ATP8B2: variants seen among roughly 807,000 people sequenced by gnomAD.
The protein encoded by ATP8B2 is phospholipid-transporting ATPase ID.
In ATP8B2, 70 loss-of-function variants were observed where a neutral mutation model predicts 133.4. The observed-to-expected ratio is 0.52, with a 90% CI of 0.43 to 0.64. The LOEUF (loss-of-function observed/expected upper bound fraction) is 0.64. Ranked by LOEUF, ATP8B2 falls within the 30% of genes least tolerant of loss-of-function variation. The pLI is 0.00. For missense variants in ATP8B2, 1,101 were observed against 1,535.7 expected (o/e 0.72, Z 4.73); for synonymous variants, 517 against 589.5 (o/e 0.88, Z 1.78).
In ATP8B2 at chr1:154,328,221, T is replaced by G; in HGVS notation, c.31+49T>G. ...TCCCGGGAACCATCAAGAGTGGGTG[T>G]TGTTATGGCTCAGGGAGCAAAAGGA... On this transcript the variant is annotated intron_variant, in intron 2 of 27. Transcript: ENST00000368489. The surrounding 1 kb of genome is among the most constrained non-coding windows in gnomAD (Gnocchi z 4.6). 1 of 1,563,848 alleles carries G rather than the reference T, an allele frequency of 6.4e-7. No individual in the cohort carries two copies. The highest frequency in any genetic ancestry group is 1.4e-5 in the African/African-American group (1 of 73,828).
At position 154,340,271 on chromosome 1, in the gene ATP8B2, T is replaced by C. The variant is rs1475463319; in HGVS notation, c.1035-583T>C. On this transcript the variant is annotated intron_variant, in intron 12 of 27. Transcript: ENST00000368489. This position sits in a 1 kb window ranked among gnomAD's most constrained non-coding sequence, Gnocchi z 4.0. ...TGCCCAGGGCCCTCTCCCTCTGGAG[T>C]CAGCACCTCAGCCCTGCCCGGTGTT... Among the ~76,000 whole-genome samples the C allele has an allele frequency of 6.6e-6, 1 of 151,904 alleles. No individual in the cohort carries two copies. The highest frequency in any genetic ancestry group is 1.5e-5 in the Non-Finnish European group (1 of 67,932).
intron 2 of ATP8B2, among the ~76,000 whole-genome samples, chr1:154,330,134 A>G (rs1390826158): frequency 6.6e-6 from 1 of 152,108 alleles, no homozygotes; most frequent in Non-Finnish European, 1.5e-5. Context: ...GGGGGAGACA[A>G]ACTGGGTGCT....
At position 154,345,315 on chromosome 1, in the gene ATP8B2, T is replaced by G; in HGVS notation, c.2471-7T>G. ...CTTCACCCTCTTGTCATCTCTTGTC[T>G]CTGCAGCGGCTCACATTGGTGTGGG... On this transcript the variant is annotated splice_polypyrimidine_tract_variant and splice_region_variant and intron_variant, in intron 22 of 27. Coordinates refer to ENST00000368489, the MANE Select transcript of ATP8B2 (RefSeq NM_001370597.1). This position sits in a 1 kb window ranked among gnomAD's most constrained non-coding sequence, Gnocchi z 5.6. The G allele has an allele frequency of 6.2e-7, 1 of 1,613,844 alleles. No individual in the cohort carries two copies. Among genetic ancestry groups the G allele is most frequent in the East Asian group, 2.2e-5 (1 of 44,884 alleles).
At position 154,344,741 on chromosome 1, in the gene ATP8B2, G is replaced by A; in HGVS notation, c.2242G>A (p.Ala748Thr). The A allele has an allele frequency of 6.2e-7, 1 of 1,609,906 alleles. No homozygotes were observed. Among genetic ancestry groups the A allele is most frequent in the Non-Finnish European group, 8.5e-7 (1 of 1,176,484 alleles). ...SSSKLTSVLE[A>T]VAGEYALVIN... The stretch of plus-strand genomic sequence containing the variant: ...TTCCAAGCTAACTTCTGTCCTGGAG[G>A]CCGTTGCTGGGGAGTACGCCCTGGT... The change falls in exon 21 of 28, where the codon GCC becomes ACC. Residue 748 changes from alanine to threonine, a missense_variant. Ala to Thr is a moderately conservative substitution (Grantham distance 58, BLOSUM62 0). Transcript: ENST00000368489. The surrounding 1 kb of genome is among the most constrained non-coding windows in gnomAD (Gnocchi z 4.1).
rs190065280 is a variant in ATP8B2, at chr1:154,349,082, C to T, written c.3537C>T (p.Ser1179=). The T allele has an allele frequency of 5.6e-6, 9 of 1,614,202 alleles. No individual in the cohort carries two copies. Among genetic ancestry groups the T allele is most frequent in the Middle Eastern group, 1.7e-4 (1 of 6,050 alleles). Residue 1179 remains serine, a synonymous_variant, in exon 28 of 28, where the codon AGC becomes AGT. Transcript: ENST00000368489. ...LRRKKSDSAS[S]PSGGADKPLK... ...GGAAGAAGAGTGACAGTGCCAGTAG[C>T]CCCAGTGGCGGTGCCGACAAGCCCC...
chr1:154,342,409 G>T, intron 13 of ATP8B2, 71 bp from the exon 14 acceptor site: 1 of 1,465,774 alleles, frequency 6.8e-7, no homozygotes. Flanking sequence ...TTCTGCATTG[G>T]AGATGTTTTT....
chr1:154,334,536 G>T lies in ATP8B2; in HGVS notation c.782G>T (p.Arg261Ile). The change falls in exon 11 of 28, where the codon AGA becomes ATA. Residue 261 changes from arginine (R) to isoleucine (I), a missense_variant. By Grantham distance (97) the Arg-to-Ile change is moderately conservative. Transcript: ENST00000368489. The surrounding 1 kb of genome is among the most constrained non-coding windows in gnomAD (Gnocchi z 4.6). ...ACTAAGCTGATGCAAAACAGCGGCAGAACAAAGTTCAAAAGAACGAGTATC... is the reference window on the plus strand; with the variant it reads ...ACTAAGCTGATGCAAAACAGCGGCATAACAAAGTTCAAAAGAACGAGTATC... ...PDTKLMQNSG[R>I]TKFKRTSIDR... The T allele has an allele frequency of 6.2e-7, 1 of 1,614,058 alleles. No homozygotes were observed. Among genetic ancestry groups the T allele is most frequent in the South Asian group, 1.1e-5 (1 of 91,056 alleles).
intron 9 of ATP8B2, among the ~76,000 whole-genome samples, chr1:154,333,129 G>A (rs931374412): frequency 6.6e-6 from 1 of 152,154 alleles, no homozygotes; most frequent in Non-Finnish European, 1.5e-5. Flanking sequence ...GGTCAACATG[G>A]TGAAACCCTG....
Position 154,328,184 on chromosome 1 carries a change from A to T in ATP8B2, c.31+12A>T. ...AAAGCGCCCCCCAGGTAAGACAGGCAAGGAGGGGAGATCCCGGGAACCATC... is the reference window on the plus strand; with the variant it reads ...AAAGCGCCCCCCAGGTAAGACAGGCTAGGAGGGGAGATCCCGGGAACCATC... On this transcript the variant is annotated intron_variant, in intron 2 of 27. Transcript: ENST00000368489. This position sits in a 1 kb window ranked among gnomAD's most constrained non-coding sequence, Gnocchi z 4.6. 6.2e-7 allele frequency: 1 copy of T among 1,611,856 alleles called. No homozygotes were observed. The highest frequency in any genetic ancestry group is 8.5e-7 in the Non-Finnish European group (1 of 1,178,154).
rs1686574929 is a variant in ATP8B2 at position 154,346,193 on chromosome 1, C to T, written c.2779-38C>T. 3 of 1,601,114 alleles carry T rather than the reference C, an allele frequency of 1.9e-6. No individual in the cohort carries two copies. Among genetic ancestry groups the T allele is most frequent in the African/African-American group, 2.7e-5 (2 of 74,852 alleles). ...GGTCATCCAGGGTCAAAACGGCAACCTCTGAGGCCCCCTATGCTACATGGT... is the reference window on the plus strand; with the variant it reads ...GGTCATCCAGGGTCAAAACGGCAACTTCTGAGGCCCCCTATGCTACATGGT... On this transcript the variant is annotated intron_variant, in intron 24 of 27. Coordinates refer to ENST00000368489, the MANE Select transcript of ATP8B2 (RefSeq NM_001370597.1). The surrounding 1 kb of genome is among the most constrained non-coding windows in gnomAD (Gnocchi z 4.5).
chr1:154,341,265 G>A, intron 13 of ATP8B2: 1 of 645,020 alleles, frequency 1.6e-6, no homozygotes. Flanking sequence ...TGGGAGGATT[G>A]CTCGAGCCCA....
Position 154,331,309 on chromosome 1 carries a change from G to A in ATP8B2, c.304-135G>A. 8.7e-7 allele frequency: 1 copy of A among 1,155,362 alleles called. No homozygotes were observed. Among genetic ancestry groups the A allele is most frequent in the Non-Finnish European group, 1.3e-6 (1 of 787,138 alleles). 71.6% of individuals were successfully genotyped at this position (1,155,362 alleles called of 1,614,324 possible). ...GATGTCTTTTTGCTGAGCGTGGGGA[G>A]AGGGAATCAGGGAGTGAACTGGTTT... On this transcript the variant is annotated intron_variant, in intron 5 of 27. Transcript: ENST00000368489. The surrounding 1 kb of genome is among the most constrained non-coding windows in gnomAD (Gnocchi z 4.8).
At position 154,328,191 on chromosome 1, in the gene ATP8B2, G is replaced by C. The variant is rs778347434; in HGVS notation, c.31+19G>C. 1 of 1,606,964 alleles carries C rather than the reference G, an allele frequency of 6.2e-7. No homozygotes were observed. The highest frequency in any genetic ancestry group is 1.1e-5 in the South Asian group (1 of 90,904). ...CCCCCAGGTAAGACAGGCAAGGAGG[G>C]GAGATCCCGGGAACCATCAAGAGTG... On this transcript the variant is annotated intron_variant, in intron 2 of 27. Coordinates refer to ENST00000368489, the MANE Select transcript of ATP8B2 (RefSeq NM_001370597.1). The surrounding 1 kb of genome is among the most constrained non-coding windows in gnomAD (Gnocchi z 4.6).
At chr1:154,337,674 A>G (rs569544336) in intron 12 of ATP8B2, 130 bp downstream of exon 12, 1 of 1,596,748 alleles carries the variant, frequency 6.3e-7, no homozygotes, top group South Asian at 1.1e-5. Flanking sequence ...TAAACATTTG[A>G]TGTTATCTGT....
rs771733938 is a variant in ATP8B2, at chr1:154,343,233, C to T, written c.1574C>T (p.Thr525Ile). ...ACAATCACCGTCCATGAGATGGGCA[C>T]AGCCATCACCTACCAGCTGCTGGCC... ...PKTITVHEMGTAITYQLLAIL... is the reference protein window; with the variant it reads ...PKTITVHEMGIAITYQLLAIL... The change falls in exon 16 of 28, where the codon ACA becomes ATA. Residue 525 changes from threonine to isoleucine, a missense_variant. Physicochemically the swap from Thr to Ile is moderately conservative, Grantham distance 89 (BLOSUM62 -1). Transcript: ENST00000368489. The surrounding 1 kb of genome is among the most constrained non-coding windows in gnomAD (Gnocchi z 5.8). The T allele has an allele frequency of 1.2e-5, 19 of 1,614,140 alleles. No homozygotes were observed. Among genetic ancestry groups the T allele is most frequent in the Non-Finnish European group, 1.6e-5 (19 of 1,180,030 alleles).
chr1:154,344,600 C>T lies in ATP8B2; in HGVS notation c.2142-41C>T, dbSNP rs769792035. 9.3e-6 allele frequency: 15 copies of T among 1,607,310 alleles called. No homozygotes were observed. The highest frequency in any genetic ancestry group is 5.3e-5 in the African/African-American group (4 of 74,772). Reference sequence around the variant, plus strand: ...GACTTGAATCCCTGCTCCCCACTGCCGTTCTGGAAGACCACAACCGTATCA... The same window carrying T: ...GACTTGAATCCCTGCTCCCCACTGCTGTTCTGGAAGACCACAACCGTATCA... On this transcript the variant is annotated intron_variant, in intron 20 of 27. Transcript: ENST00000368489. The surrounding 1 kb of genome is among the most constrained non-coding windows in gnomAD (Gnocchi z 4.1).
chr1:154,334,413 AC>A lies in ATP8B2; in HGVS notation c.749-87del, dbSNP rs748834147. On this transcript the variant is annotated intron_variant, in intron 10 of 27. Transcript: ENST00000368489. This position sits in a 1 kb window ranked among gnomAD's most constrained non-coding sequence, Gnocchi z 4.6. The stretch of plus-strand genomic sequence containing the variant: ...CTTATCTAGCCAGTATCTCTATTCC[AC>A]CCTGGTGTCCTGCAGTCTGGGGATC... 1.3e-6 allele frequency: 2 copies of A among 1,530,128 alleles called. No homozygotes were observed. Among genetic ancestry groups the A allele is most frequent in the South Asian group, 2.3e-5 (2 of 86,912 alleles). 94.8% of individuals were successfully genotyped at this position (1,530,128 alleles called of 1,614,324 possible). A position where few individuals can be genotyped will look rare whatever the true frequency, so the allele number is the denominator to read the frequency against.
At chr1:154,348,713 T>A (rs955460857) in intron 27 of ATP8B2, 127 bp from the exon 28 acceptor site, 2 of 1,379,470 alleles carry the variant, frequency 1.4e-6, no homozygotes, top group African/African-American at 3.5e-5. Flanking sequence ...TGCGTCAGCC[T>A]GGTCCCAGGT....
In ATP8B2 at chr1:154,348,710, G is replaced by A. The variant is rs562002262; in HGVS notation, c.3295-130G>A. ...GCTGGCCACAGAGGCCTCTGCGTCA[G>A]CCTGGTCCCAGGTGCTGTGGGTCGG... On this transcript the variant is annotated intron_variant, in intron 27 of 27. Coordinates refer to ENST00000368489, the MANE Select transcript of ATP8B2 (RefSeq NM_001370597.1). The A allele has an allele frequency of 7.1e-5, 98 of 1,381,800 alleles. No individual in the cohort carries two copies. The African/African-American group carries it at 1.5e-3, about 21-fold the overall frequency. The allele number at this position is 1,381,800 out of a possible 1,614,324, so 85.6% of individuals were successfully genotyped here.
Sources: allele counts gnomAD v4.1 joint callset (sites outside exome capture counted in the v4.1 genomes callset), GRCh38; gene constraint gnomAD v4.1.1; non-coding constraint Gnocchi (gnomAD v3.1); transcripts MANE v1.5; gene names NCBI Gene and HGNC (gene_info 2026-07-23, HGNC 2026-07-21).